CFTR: variants seen among roughly 807,000 people sequenced by gnomAD.
The protein encoded by CFTR is CF transmembrane conductance regulator.
CFTR carries 181 observed loss-of-function variants against 171.6 expected under a neutral mutation model. The observed-to-expected ratio is 1.05, with a 90% CI of 0.93 to 1.19. The LOEUF is 1.19. CFTR is among the 50% of genes most tolerant of loss of function. The pLI is 0.00. For missense variants in CFTR, 1,968 were observed against 1,734.7 expected, an observed-to-expected ratio of 1.13 and a Z score of -2.39; for synonymous variants, 583 against 608.0, an observed-to-expected ratio of 0.96 and a Z score of 0.60.
intron 1 of CFTR, among the ~76,000 whole-genome samples, chr7:117,485,432 A>T (rs1337893110): frequency 1.3e-5 from 2 of 152,204 alleles, no homozygotes; most frequent in Non-Finnish European, 2.9e-5. Context: ...TTGTAGAAAG[A>T]TTAATTTACA....
chr7:117,660,074 CT>C (rs1480365664), intron 24 of CFTR, among the ~76,000 whole-genome samples: 10 of 149,976 alleles, frequency 6.7e-5, no homozygotes, highest in African/African-American at 2.5e-4. Context: ...AAAATTTCTT[CT>C]TTTTTCACAG....
chr7:117,554,935 A>G (rs948993905), intron 10 of CFTR, among the ~76,000 whole-genome samples: 4 of 152,216 alleles, frequency 2.6e-5, no homozygotes, highest in Admixed American at 2.6e-4. Context: ...CCAAATACAG[A>G]CAACCATTGA....
chr7:117,510,253 G>A (rs1345248396), intron 3 of CFTR, among the ~76,000 whole-genome samples: 1 of 152,034 alleles, frequency 6.6e-6, no homozygotes, highest in African/African-American at 2.4e-5. Flanking sequence ...TTACTTTTAA[G>A]TTACCTTTGA....
intron 11 of CFTR, among the ~76,000 whole-genome samples, chr7:117,586,633 C>T (rs550977056): frequency 4.6e-5 from 7 of 151,848 alleles, no homozygotes; most frequent in African/African-American, 1.7e-4. Context: ...CATTTTGATA[C>T]TTTAGATATA....
intron 12 of CFTR, 98 bp from the exon 13 acceptor site, chr7:117,590,255 A>G (rs898368238): frequency 2.3e-5 from 33 of 1,405,428 alleles, no homozygotes; most frequent in Admixed American, 1.7e-4. Context: ...TGGTGACCAT[A>G]TTGTAATGCA....
chr7:117,588,485 T>A (rs532246308), intron 12 of CFTR, among the ~76,000 whole-genome samples: 138 of 152,130 alleles, frequency 9.1e-4, no homozygotes, highest in Non-Finnish European at 1.7e-3. Context: ...GTGACTCTGA[T>A]GTCAAATGTT....
intron 1 of CFTR, among the ~76,000 whole-genome samples, chr7:117,498,765 C>T (rs961352636): frequency 6.6e-6 from 1 of 151,818 alleles, no homozygotes; most frequent in African/African-American, 2.4e-5. Flanking sequence ...GATTTATGAT[C>T]ACAATCTTTT....
At chr7:117,577,229 G>C (rs548029021) in intron 11 of CFTR, among the ~76,000 whole-genome samples, 19 of 152,248 alleles carry the variant, frequency 1.2e-4, no homozygotes, top group African/African-American at 4.6e-4. Flanking sequence ...TGAAGGGTAA[G>C]GTGGATATAG....
intron 23 of CFTR, among the ~76,000 whole-genome samples, chr7:117,649,487 G>A (rs1415910198): frequency 1.7e-4 from 20 of 120,774 alleles, no homozygotes; most frequent in Middle Eastern, 3.9e-3. Context: ...TATATATAGT[G>A]TGTGTGTGTG....
At chr7:117,525,192 C>G (rs978649369) in intron 3 of CFTR, among the ~76,000 whole-genome samples, 1 of 152,068 alleles carries the variant, frequency 6.6e-6, no homozygotes, top group Non-Finnish European at 1.5e-5. Context: ...CTATAATATT[C>G]CAGGTTTGTG....
intron 11 of CFTR, among the ~76,000 whole-genome samples, chr7:117,565,024 G>A (rs1236031865): frequency 2.0e-5 from 3 of 152,252 alleles, no homozygotes; most frequent in Non-Finnish European, 4.4e-5. Flanking sequence ...ACAGCTCCAT[G>A]TCCTATTTTA....
intron 2 of CFTR, 105 bp downstream of exon 2, chr7:117,504,468 T>C (rs1798383975): frequency 1.4e-6 from 1 of 723,434 alleles, no homozygotes; most frequent in Admixed American, 2.1e-5. Flanking sequence ...TATTTAAAAA[T>C]AGGAGCCAAG....
chr7:117,612,053 A>ATG (rs370481309), intron 20 of CFTR, among the ~76,000 whole-genome samples: 4 of 64,906 alleles, frequency 6.2e-5, no homozygotes, highest in East Asian at 2.6e-4. Flanking sequence ...ATATATATAT[A>ATG]CATATATATA....
chr7:117,496,832 A>T (rs542309818), intron 1 of CFTR, among the ~76,000 whole-genome samples: 5 of 152,034 alleles, frequency 3.3e-5, no homozygotes, highest in Non-Finnish European at 7.4e-5. Context: ...TATTTGCAAC[A>T]CTTACTATTA....
chr7:117,606,835 T>C (rs1792308357), intron 18 of CFTR, 82 bp downstream of exon 18: 1 of 867,810 alleles, frequency 1.2e-6, no homozygotes, highest in African/African-American at 1.7e-5. Context: ...TGTTTTCATT[T>C]TTTATTTGAT....
intron 11 of CFTR, among the ~76,000 whole-genome samples, chr7:117,574,235 T>C (rs1057321848): frequency 4.6e-5 from 7 of 152,080 alleles, no homozygotes; most frequent in African/African-American, 1.7e-4. Context: ...ACACTAATAA[T>C]GTGGTTACAA....
chr7:117,554,318 A>T (rs1166686287), intron 10 of CFTR, among the ~76,000 whole-genome samples: 1 of 152,168 alleles, frequency 6.6e-6, no homozygotes, highest in Non-Finnish European at 1.5e-5. Flanking sequence ...CAATAGGATT[A>T]ATGGATAAGT....
intron 20 of CFTR, among the ~76,000 whole-genome samples, chr7:117,613,999 C>CTTTTTTTTT (rs752774658): frequency 6.1e-4 from 44 of 72,476 alleles, no homozygotes; most frequent in African/African-American, 6.8e-4. Flanking sequence ...GTACAGTAAT[C>CTTTTTTTTT]TTTTTTTTTT....
At chr7:117,564,625 C>T (rs550467867) in intron 11 of CFTR, 2 of 166,978 alleles carry the variant, frequency 1.2e-5, no homozygotes, top group Non-Finnish European at 2.9e-5. Context: ...ATATTTTCAT[C>T]TTGACTGCCA....
Sources: allele counts gnomAD v4.1 joint callset (sites outside exome capture counted in the v4.1 genomes callset), GRCh38; gene constraint gnomAD v4.1.1; transcripts MANE v1.5; gene names NCBI Gene and HGNC (gene_info 2026-07-23, HGNC 2026-07-21).